DPP10: variants seen among roughly 807,000 people sequenced by gnomAD.
DPP10 encodes inactive dipeptidyl peptidase 10.
A neutral mutation model predicts 120.9 loss-of-function variants in DPP10; 33 were observed. That is an observed-to-expected ratio of 0.27 (90% CI 0.21 to 0.37). The LOEUF is 0.37. Ranked by LOEUF, DPP10 falls within the 10% of genes least tolerant of loss-of-function variation. The probability of loss-of-function intolerance (pLI) is 1.00; values close to 1 mark genes in which losing one functional copy is unlikely to be tolerated. For synonymous variants in DPP10, 337 were observed against 326.1 expected (o/e 1.03, Z -0.36); for missense variants, 816 against 942.8 (o/e 0.87, Z 1.76).
intron 3 of DPP10, among the ~76,000 whole-genome samples, chr2:115,459,086 G>A (rs183952636): frequency 4.6e-5 from 7 of 152,018 alleles, no homozygotes; most frequent in African/African-American, 9.7e-5. Context: ...AAACTTAGAC[G>A]TACTGTTGGT....
intron 11 of DPP10, among the ~76,000 whole-genome samples, chr2:115,756,704 C>T (rs548322118): frequency 1.1e-3 from 172 of 152,096 alleles, no homozygotes; most frequent in South Asian, 6.2e-3. Context: ...CCTGTAATTC[C>T]TTGTCTTGGT....
chr2:115,291,315 C>T (rs1194769163), intron 1 of DPP10, among the ~76,000 whole-genome samples: 1 of 152,038 alleles, frequency 6.6e-6, no homozygotes, highest in South Asian at 2.1e-4. Context: ...CTGCTTCATT[C>T]TAACATACCA....
At chr2:115,196,742 G>A (rs2055302672) in intron 1 of DPP10, among the ~76,000 whole-genome samples, 1 of 152,156 alleles carries the variant, frequency 6.6e-6, no homozygotes, top group Non-Finnish European at 1.5e-5. Flanking sequence ...AGGCATTCAT[G>A]AATCCTTTGG....
intron 1 of DPP10, among the ~76,000 whole-genome samples, chr2:114,903,795 A>G (rs887571526): frequency 6.6e-6 from 1 of 152,190 alleles, no homozygotes; most frequent in African/African-American, 2.4e-5. Flanking sequence ...AAGGGGAGAA[A>G]GAGTGTATCT....
chr2:114,457,478 A>T (rs1313337430), intron 1 of DPP10, among the ~76,000 whole-genome samples: 1 of 152,174 alleles, frequency 6.6e-6, no homozygotes, highest in Non-Finnish European at 1.5e-5. Flanking sequence ...GGTCTGGGTC[A>T]TTCTGGTCTC....
chr2:114,507,329 G>C (rs559610751), intron 1 of DPP10, among the ~76,000 whole-genome samples: 1 of 152,102 alleles, frequency 6.6e-6, no homozygotes, highest in Non-Finnish European at 1.5e-5. Flanking sequence ...CATTACACGT[G>C]TGAATCACTA....
chr2:115,589,531 A>G (rs1194847865), intron 5 of DPP10, among the ~76,000 whole-genome samples: 1 of 151,912 alleles, frequency 6.6e-6, no homozygotes, highest in Non-Finnish European at 1.5e-5. Context: ...ATTTTTTACA[A>G]ATATAACTTA....
intron 1 of DPP10, among the ~76,000 whole-genome samples, chr2:114,506,603 C>G (rs552524893): frequency 1.6e-4 from 24 of 152,200 alleles, no homozygotes; most frequent in African/African-American, 5.5e-4. Context: ...TTGCAGGCAC[C>G]CCCCTAGATG....
chr2:114,861,426 A>T (rs1421835152), intron 1 of DPP10, among the ~76,000 whole-genome samples: 1 of 152,234 alleles, frequency 6.6e-6, no homozygotes, highest in Non-Finnish European at 1.5e-5. Flanking sequence ...TAAGAGTATC[A>T]TTCTCAACTG....
At chr2:115,789,986 A>G (rs921162242) in intron 17 of DPP10, among the ~76,000 whole-genome samples, 1 of 152,232 alleles carries the variant, frequency 6.6e-6, no homozygotes, top group Non-Finnish European at 1.5e-5. Context: ...ATATCTGTAT[A>G]CAATATGTAC....
At chr2:115,440,156 C>T (rs201299050) in intron 3 of DPP10, among the ~76,000 whole-genome samples, 13 of 149,300 alleles carry the variant, frequency 8.7e-5, no homozygotes, top group South Asian at 4.2e-4. Context: ...TGTGTGTGTG[C>T]GTGTGTGTGT....
chr2:115,679,359 T>G (rs2090496812), intron 5 of DPP10, among the ~76,000 whole-genome samples: 1 of 152,156 alleles, frequency 6.6e-6, no homozygotes, highest in Non-Finnish European at 1.5e-5. Flanking sequence ...GATAGTAAGT[T>G]CTCAGGAGAT....
At chr2:115,783,152 T>A (rs980783652) in intron 17 of DPP10, among the ~76,000 whole-genome samples, 18 of 152,002 alleles carry the variant, frequency 1.2e-4, no homozygotes, top group African/African-American at 4.1e-4. Flanking sequence ...TACTATAATC[T>A]AATAATGGCT....
intron 5 of DPP10, among the ~76,000 whole-genome samples, chr2:115,622,477 C>T (rs147046291): frequency 2.2e-4 from 33 of 148,908 alleles, no homozygotes; most frequent in African/African-American, 7.4e-4. Flanking sequence ...CTGCCATCCA[C>T]GCAAAAGGTT....
At chr2:114,931,548 C>T (rs760852923) in intron 1 of DPP10, among the ~76,000 whole-genome samples, 6 of 152,084 alleles carry the variant, frequency 3.9e-5, no homozygotes, top group Non-Finnish European at 7.4e-5. Flanking sequence ...ACTGAAACAC[C>T]TCCCATTTGG....
At chr2:115,176,767 A>G (rs940445403) in intron 1 of DPP10, among the ~76,000 whole-genome samples, 4 of 152,140 alleles carry the variant, frequency 2.6e-5, no homozygotes, top group Admixed American at 6.6e-5. Flanking sequence ...CTTTGGTTAC[A>G]TAATTTGATT....
chr2:115,190,062 A>G (rs1379971525), intron 1 of DPP10, among the ~76,000 whole-genome samples: 6 of 152,134 alleles, frequency 3.9e-5, no homozygotes, highest in Admixed American at 1.3e-4. Flanking sequence ...TATCATGTCT[A>G]AGGCTCTTCT....
At chr2:115,496,606 C>T (rs1283306092) in intron 3 of DPP10, among the ~76,000 whole-genome samples, 1 of 152,074 alleles carries the variant, frequency 6.6e-6, no homozygotes, top group African/African-American at 2.4e-5. Flanking sequence ...TTCTTTTTCT[C>T]TTCTCTTGAC....
intron 3 of DPP10, among the ~76,000 whole-genome samples, chr2:115,443,269 A>G (rs1241127796): frequency 6.6e-6 from 1 of 152,316 alleles, no homozygotes; most frequent in African/African-American, 2.4e-5. Context: ...AAGATATTCA[A>G]AAGTAGCAAA....
Sources: allele counts gnomAD v4.1 joint callset (sites outside exome capture counted in the v4.1 genomes callset), GRCh38; gene constraint gnomAD v4.1.1; transcripts MANE v1.5; gene names NCBI Gene and HGNC (gene_info 2026-07-23, HGNC 2026-07-21).